The following EYA1 variants were observed in gnomAD, a reference collection of about 807,000 sequenced individuals.
The protein encoded by EYA1 is EYA transcriptional coactivator and phosphatase 1, also known as protein phosphatase EYA1.
Under a neutral mutation model 82.0 loss-of-function variants are expected in EYA1, and 16 were observed. The ratio of observed to expected loss-of-function variants is 0.20; its 90% confidence interval spans 0.13 to 0.30. The LOEUF (loss-of-function observed/expected upper bound fraction) is 0.30, where lower values mean the gene tolerates loss of function less well. EYA1 is among the 10% of genes least tolerant of loss of function. The pLI is 1.00. For missense variants in EYA1, 633 were observed against 730.7 expected (o/e 0.87, Z 1.54); for synonymous variants, 261 against 264.4 (o/e 0.99, Z 0.12).
At chr8:71,482,021 T>C (rs1457234475) in intron 2 of EYA1, among the ~76,000 whole-genome samples, 1 of 152,140 alleles carries the variant, frequency 6.6e-6, no homozygotes, top group African/African-American at 2.4e-5. Context: ...AAAAGCACTA[T>C]TGATTAAGGA....
intron 2 of EYA1, among the ~76,000 whole-genome samples, chr8:71,534,407 G>C (rs1233147916): frequency 6.6e-6 from 1 of 152,194 alleles, no homozygotes; most frequent in Non-Finnish European, 1.5e-5. Context: ...TATCTCACAA[G>C]TTGACTTAGA....
At chr8:71,216,659 T>A in intron 14 of EYA1, 33 bp downstream of exon 14, 1 of 1,610,640 alleles carries the variant, frequency 6.2e-7, no homozygotes, top group South Asian at 1.1e-5. Context: ...TGGACTGTCT[T>A]AACTTGCTGA....
rs1404570357 is a variant in EYA1, at chr8:71,252,390, A to G, written c.1051-7698T>C. Among the ~76,000 whole-genome samples the G allele has an allele frequency of 2.0e-5, 3 of 152,076 alleles. No homozygotes were observed. The East Asian group carries it at 5.9e-4, about 30-fold the overall frequency. ...CAATGGAAAATGGACTAACACACTC[A>G]ATCTCTGCAGCACTACCATAAAGGA... is the stretch of plus-strand genomic sequence containing the variant. On this transcript the variant is annotated intron_variant, in intron 11 of 17. Coordinates refer to ENST00000340726, the MANE Select transcript of EYA1 (RefSeq NM_000503.6).
chr8:71,316,145 C>T (rs1365156635), intron 7 of EYA1, among the ~76,000 whole-genome samples: 1 of 152,024 alleles, frequency 6.6e-6, no homozygotes, highest in Non-Finnish European at 1.5e-5. Context: ...AAATCTTGTA[C>T]CTACCAAAAT....
intron 2 of EYA1, among the ~76,000 whole-genome samples, chr8:71,509,158 C>T (rs1347684108): frequency 6.6e-6 from 1 of 152,030 alleles, no homozygotes; most frequent in Non-Finnish European, 1.5e-5. Flanking sequence ...GAGCCCAAGA[C>T]GTTGAGGCTG....
chr8:71,254,016 C>A (rs1271254355), intron 11 of EYA1, among the ~76,000 whole-genome samples: 1 of 152,110 alleles, frequency 6.6e-6, no homozygotes, highest in African/African-American at 2.4e-5. Flanking sequence ...AGCAAGGCTA[C>A]AGATATTTGA....
At chr8:71,363,907 C>A (rs1827591126), upstream of EYA1, among the ~76,000 whole-genome samples, 1 of 151,828 alleles carries the variant, frequency 6.6e-6, no homozygotes, top group African/African-American at 2.4e-5. Flanking sequence ...TTTTTCTAAT[C>A]CATGAAAGAT....
At chr8:71,403,914 C>A (rs1830084614) in intron 2 of EYA1, 1 of 152,204 alleles carries the variant, frequency 6.6e-6, no homozygotes, top group African/African-American at 2.4e-5. Context: ...AGGTTATTAT[C>A]TTTCTTTACA....
chr8:71,330,408 T>A (rs1292499228), intron 4 of EYA1, among the ~76,000 whole-genome samples: 1 of 152,214 alleles, frequency 6.6e-6, no homozygotes, highest in Non-Finnish European at 1.5e-5. Context: ...CCCATACCTC[T>A]AACCTCTGCC....
chr8:71,274,116 AGAAAGT>A (rs1185865999), intron 9 of EYA1, among the ~76,000 whole-genome samples: 2 of 152,242 alleles, frequency 1.3e-5, no homozygotes, highest in South Asian at 2.1e-4. Context: ...TCTGCAAAGT[AGAAAGT>A]GAAAGTTTTA....
chr8:71,394,622 G>A (rs987454530), intron 2 of EYA1, among the ~76,000 whole-genome samples: 3 of 151,886 alleles, frequency 2.0e-5, no homozygotes, highest in Non-Finnish European at 4.4e-5. Context: ...TATTATTTCC[G>A]GGGGATCTAT....
At chr8:71,406,842 C>T (rs1291568637) in intron 2 of EYA1, among the ~76,000 whole-genome samples, 1 of 144,370 alleles carries the variant, frequency 6.9e-6, no homozygotes, top group East Asian at 2.0e-4. Context: ...AACAAAGCAG[C>T]CGGGAAGCTC....
At position 71,505,328 on chromosome 8, in the gene EYA1, C is replaced by G. The variant is rs748444868; in HGVS notation, c.33+30416G>C. Among the ~76,000 whole-genome samples the G allele has an allele frequency of 2.0e-4, 30 of 152,284 alleles. 1 individual carries two copies. Among genetic ancestry groups the G allele is most frequent in the South Asian group, 4.1e-4 (2 of 4,826 alleles). ...CAAGTTTGAGAAGCGCTGGCTCAAG[C>G]AATACAAGACATGACTAGAGAGTAC... On this transcript the variant is annotated intron_variant, in intron 2 of 18. Transcript: ENST00000643681.
At chr8:71,209,236 C>T (rs1808208409) in intron 17 of EYA1, among the ~76,000 whole-genome samples, 1 of 152,216 alleles carries the variant, frequency 6.6e-6, no homozygotes, top group African/African-American at 2.4e-5. Context: ...AAAACATTCT[C>T]TTCAACTCTC....
intron 16 of EYA1, among the ~76,000 whole-genome samples, chr8:71,215,001 T>A (rs1307314099): frequency 1.3e-5 from 2 of 152,222 alleles, no homozygotes; most frequent in Non-Finnish European, 2.9e-5. Flanking sequence ...TTTCTAGTAA[T>A]AAATCTGTTA....
Position 71,299,186 on chromosome 8 carries a change from A to G in EYA1, c.687T>C (p.Tyr229=). 6.2e-7 allele frequency: 1 copy of G among 1,614,136 alleles called. No homozygotes were observed. Among genetic ancestry groups the G allele is most frequent in the South Asian group, 1.1e-5 (1 of 91,082 alleles). The change falls in exon 9 of 18, where the codon TAT becomes TAC. Residue 229 remains tyrosine, a synonymous_variant. Transcript: ENST00000340726. ...PSFGQGQYAQ[Y]YNSSPYPAHY... ...GTGCTGGATACGGTGAGCTGTTATA[A>G]TACTGTGCGTACTGACCCTGGCCAA...
chr8:71,515,601 T>G, intron 2 of EYA1, among the ~76,000 whole-genome samples: 1 of 152,064 alleles, frequency 6.6e-6, no homozygotes, highest in East Asian at 1.9e-4. Context: ...ATGGGAAACA[T>G]AGAAAACTAT....
At chr8:71,547,838 GC>G in intron 1 of EYA1, 1 of 151,166 alleles carries the variant, frequency 6.6e-6, no homozygotes, top group South Asian at 2.1e-4. Context: ...ACCCTGGCGG[GC>G]CCCGGGCAGC....
intron 1 of EYA1, among the ~76,000 whole-genome samples, chr8:71,538,283 G>C (rs751219633): frequency 1.3e-5 from 2 of 152,004 alleles, no homozygotes; most frequent in African/African-American, 2.4e-5. Context: ...TGTCTCCCCC[G>C]CTAGACTGTA....
Sources: gnomAD v4.1 joint callset for allele counts (sites outside exome capture counted in the v4.1 genomes callset) on GRCh38, gnomAD v4.1.1 for gene constraint, MANE v1.5 for transcripts, NCBI Gene and HGNC (gene_info 2026-07-23, HGNC 2026-07-21) for gene names.